B4GALT6: variants seen among roughly 807,000 people sequenced by gnomAD.
B4GALT6 encodes UDP-Gal:beta-GlcNAc beta-1,4-galactosyltransferase 6.
Under a neutral mutation model 46.3 loss-of-function variants are expected in B4GALT6, and 14 were observed. The observed-to-expected ratio is 0.30, with a 90% CI of 0.20 to 0.47. B4GALT6 has a LOEUF of 0.47. Among genes scored for constraint, B4GALT6 ranks in the 20% least tolerant of loss-of-function variants. The pLI is 0.99. For synonymous variants in B4GALT6, 168 were observed against 162.0 expected (o/e 1.04, Z -0.28); for missense variants, 386 against 480.1 (o/e 0.80, Z 1.83).
At chr18:31,688,329 G>A (rs12605321), upstream of B4GALT6, among the ~76,000 whole-genome samples, 67,991 of 148,654 alleles carry the variant, frequency 0.46, 17,978 homozygotes, top group South Asian at 0.68. Context: ...TCAAAAATTT[G>A]TATTGTGAAT....
upstream of B4GALT6, among the ~76,000 whole-genome samples, chr18:31,685,126 G>C (rs1318571057): frequency 6.9e-6 from 1 of 145,890 alleles, no homozygotes; most frequent in African/African-American, 2.5e-5. Flanking sequence ...CGCCGCGGGA[G>C]CTGAGCACAG....
the B4GALT6 span, among the ~76,000 whole-genome samples, chr18:31,717,676 G>A: frequency 1.2e-4 from 18 of 152,016 alleles, no homozygotes; most frequent in African/African-American, 4.3e-4. Context: ...TGATATTGGC[G>A]GGATGTGGTG....
the B4GALT6 span, among the ~76,000 whole-genome samples, chr18:31,703,652 T>G: frequency 6.6e-6 from 1 of 152,178 alleles, no homozygotes; most frequent in African/African-American, 2.4e-5. Context: ...TCACCATATT[T>G]GAGGTCGGAG....
upstream of B4GALT6, among the ~76,000 whole-genome samples, chr18:31,690,293 G>A (rs896544030): frequency 2.0e-5 from 3 of 150,528 alleles, no homozygotes; most frequent in African/African-American, 4.9e-5. Context: ...CACCATGCCT[G>A]TCAAATTTTT....
chr18:31,631,839 CCTTT>C (rs2073795756), intron 5 of B4GALT6, among the ~76,000 whole-genome samples: 1 of 152,126 alleles, frequency 6.6e-6, no homozygotes, highest in South Asian at 2.1e-4. Context: ...AGCCCAACTT[CCTTT>C]ATTACAACCA....
the B4GALT6 span, among the ~76,000 whole-genome samples, chr18:31,713,934 A>G: frequency 2.0e-5 from 3 of 152,216 alleles, no homozygotes; most frequent in African/African-American, 7.2e-5. Context: ...TCAAGTTTTC[A>G]TTTGAAATCT....
intron 6 of B4GALT6, among the ~76,000 whole-genome samples, chr18:31,630,031 G>T (rs923917875): frequency 3.8e-5 from 5 of 132,282 alleles, no homozygotes; most frequent in African/African-American, 1.4e-4. Context: ...GGAGAAGCAG[G>T]AAGGAAGGAA....
intron 4 of B4GALT6, among the ~76,000 whole-genome samples, chr18:31,644,515 C>A (rs1290889539): frequency 6.6e-6 from 1 of 152,028 alleles, no homozygotes; most frequent in African/African-American, 2.4e-5. Context: ...TAAACTGTTT[C>A]CAGATCAAGG....
At chr18:31,696,486 AT>A in the B4GALT6 span, among the ~76,000 whole-genome samples, 1 of 151,980 alleles carries the variant, frequency 6.6e-6, no homozygotes, top group Non-Finnish European at 1.5e-5. Context: ...ACATTCTATT[AT>A]TTTATTGATA....
chr18:31,691,114 T>C, the B4GALT6 span, among the ~76,000 whole-genome samples: 1 of 151,944 alleles, frequency 6.6e-6, no homozygotes, highest in Non-Finnish European at 1.5e-5. Context: ...TATGTATACC[T>C]GCATGTTCTA....
intron 1 of B4GALT6, among the ~76,000 whole-genome samples, chr18:31,679,387 C>T (rs2167011): frequency 6.6e-6 from 1 of 152,222 alleles, no homozygotes; most frequent in African/African-American, 2.4e-5. Context: ...GAATGGCAAT[C>T]TGACTGTGGA....
At chr18:31,677,783 G>A (rs1397119896) in intron 1 of B4GALT6, among the ~76,000 whole-genome samples, 1 of 152,080 alleles carries the variant, frequency 6.6e-6, no homozygotes, top group Non-Finnish European at 1.5e-5. Context: ...GAAAGAGGTG[G>A]GGACAGCCAG....
the B4GALT6 span, among the ~76,000 whole-genome samples, chr18:31,691,358 T>C: frequency 8.2e-6 from 1 of 122,350 alleles, no homozygotes; most frequent in Admixed American, 8.6e-5. Context: ...GCTCTGGGTT[T>C]TGTGTAATGG....
chr18:31,628,876 C>G (rs966473148), intron 6 of B4GALT6, among the ~76,000 whole-genome samples: 1 of 152,234 alleles, frequency 6.6e-6, no homozygotes. Flanking sequence ...CACAAGTCCA[C>G]TGATATACAA....
At chr18:31,704,668 C>T in the B4GALT6 span, among the ~76,000 whole-genome samples, 1 of 152,094 alleles carries the variant, frequency 6.6e-6, no homozygotes, top group Non-Finnish European at 1.5e-5. Flanking sequence ...TAGGGTTTTG[C>T]TCTCTCCTCA....
the B4GALT6 span, among the ~76,000 whole-genome samples, chr18:31,703,887 G>A: frequency 6.6e-6 from 1 of 152,200 alleles, no homozygotes; most frequent in Admixed American, 6.5e-5. Context: ...ATCAGCAGGG[G>A]TGAGAGGTTT....
chr18:31,650,801 C>G (rs1234116980), intron 3 of B4GALT6, among the ~76,000 whole-genome samples: 1 of 152,064 alleles, frequency 6.6e-6, no homozygotes, highest in East Asian at 1.9e-4. Context: ...CGGAGTCTCG[C>G]TCTGTCACCC....
the B4GALT6 span, among the ~76,000 whole-genome samples, chr18:31,695,539 C>T: frequency 6.6e-6 from 1 of 151,892 alleles, no homozygotes; most frequent in Non-Finnish European, 1.5e-5. Context: ...TTTGACCATG[C>T]GGGAAGGGAA....
At chr18:31,691,720 A>T in the B4GALT6 span, among the ~76,000 whole-genome samples, 89,494 of 151,922 alleles carry the variant, frequency 0.59, 28,882 homozygotes, top group South Asian at 0.77. Context: ...TGGGTTAATA[A>T]TGAATTAAGA....
Sources: allele counts gnomAD v4.1 joint callset (sites outside exome capture counted in the v4.1 genomes callset), GRCh38; gene constraint gnomAD v4.1.1; transcripts MANE v1.5; gene names NCBI Gene and HGNC (gene_info 2026-07-23, HGNC 2026-07-21).